ME1: variants seen among roughly 807,000 people sequenced by gnomAD.
ME1 encodes malic enzyme 1, also known as NADP-dependent malic enzyme.
Under a neutral mutation model 66.4 loss-of-function variants are expected in ME1, and 74 were observed. The ratio of observed to expected loss-of-function variants is 1.11; its 90% CI spans 0.92 to 1.35. The LOEUF is 1.35. Among genes scored for constraint, ME1 ranks in the 40% most tolerant of loss-of-function variants. ME1 has a pLI of 0.00. For synonymous variants in ME1, 251 were observed against 235.6 expected (o/e 1.07, Z -0.60); for missense variants, 750 against 694.1 (o/e 1.08, Z -0.90).
chr6:83,252,728 G>A (rs1472885640), intron 7 of ME1, among the ~76,000 whole-genome samples: 1 of 152,134 alleles, frequency 6.6e-6, no homozygotes, highest in African/African-American at 2.4e-5. Flanking sequence ...AAAGGAGCTG[G>A]CACTGAGCAG....
chr6:83,309,900 A>T (rs988072309), intron 6 of ME1, among the ~76,000 whole-genome samples: 1 of 152,032 alleles, frequency 6.6e-6, no homozygotes, highest in Non-Finnish European at 1.5e-5. Context: ...CAAAGAGAAG[A>T]AATTCTGTAT....
chr6:83,294,159 A>T (rs891026086), intron 6 of ME1, among the ~76,000 whole-genome samples: 1 of 152,226 alleles, frequency 6.6e-6, no homozygotes, highest in African/African-American at 2.4e-5. Context: ...ACTGAAATAC[A>T]TGCACAATAC....
intron 1 of ME1, among the ~76,000 whole-genome samples, chr6:83,421,199 G>A (rs775777473): frequency 3.9e-5 from 6 of 151,946 alleles, no homozygotes; most frequent in African/African-American, 7.3e-5. Flanking sequence ...TAGAGTTTTT[G>A]TCTTACATGA....
rs143884544 is a variant in ME1, at chr6:83,325,777, C to A, written c.601-10364G>T. On this transcript the variant is annotated intron_variant, in intron 5 of 13. Transcript: ENST00000369705. ...GATAGGAAGAGTCAATATCATGAAA[C>A]TGACCATAGGGCCCAAAGTAATTTA... Among the ~76,000 whole-genome samples the A allele has an allele frequency of 8.9e-3, 1,353 of 152,038 alleles. 19 individuals carry two copies. The highest frequency in any genetic ancestry group is 0.031 in the African/African-American group (1,267 of 41,484).
intron 1 of ME1, among the ~76,000 whole-genome samples, chr6:83,414,434 T>A (rs767168658): frequency 6.6e-6 from 1 of 152,126 alleles, no homozygotes; most frequent in Non-Finnish European, 1.5e-5. Context: ...TTTAACCTGT[T>A]AATGATTATA....
At chr6:83,233,559 A>G (rs1290344906) in intron 9 of ME1, among the ~76,000 whole-genome samples, 1 of 152,102 alleles carries the variant, frequency 6.6e-6, no homozygotes, top group African/African-American at 2.4e-5. Context: ...AATAATAATT[A>G]TCTAGCGTGA....
chr6:83,275,799 G>A (rs1271930016), intron 6 of ME1, among the ~76,000 whole-genome samples: 2 of 96,894 alleles, frequency 2.1e-5, no homozygotes, highest in Middle Eastern at 0.01. Flanking sequence ...TTGTGATGGA[G>A]TCTTGCTCTG....
intron 7 of ME1, among the ~76,000 whole-genome samples, chr6:83,246,835 C>A (rs1006990715): frequency 2.0e-5 from 3 of 152,080 alleles, no homozygotes; most frequent in African/African-American, 7.2e-5. Flanking sequence ...TCAATGGATG[C>A]GAGTGCTCAT....
At chr6:83,328,592 G>GT in intron 5 of ME1, among the ~76,000 whole-genome samples, 1 of 152,036 alleles carries the variant, frequency 6.6e-6, no homozygotes, top group East Asian at 1.9e-4. Context: ...AAAAAAATTA[G>GT]TATCTACAAA....
intron 3 of ME1, among the ~76,000 whole-genome samples, chr6:83,355,895 A>G (rs766303380): frequency 1.4e-4 from 22 of 152,148 alleles, no homozygotes; most frequent in Non-Finnish European, 2.8e-4. Context: ...TCAATTTAAA[A>G]TGTTTAATTT....
intron 6 of ME1, among the ~76,000 whole-genome samples, chr6:83,305,829 G>A: frequency 6.6e-6 from 1 of 152,036 alleles, no homozygotes; most frequent in African/African-American, 2.4e-5. Context: ...AATTTTCTAA[G>A]TTTGCCTCTT....
At chr6:83,410,209 CAAT>C (rs764696512) in intron 1 of ME1, among the ~76,000 whole-genome samples, 1 of 151,926 alleles carries the variant, frequency 6.6e-6, no homozygotes, top group Non-Finnish European at 1.5e-5. Context: ...AAATTTGTTG[CAAT>C]AAAATTTTAA....
chr6:83,391,225 C>T (rs917162527), intron 3 of ME1, among the ~76,000 whole-genome samples: 7 of 151,940 alleles, frequency 4.6e-5, no homozygotes, highest in East Asian at 1.9e-4. Context: ...ATGAGGAAAC[C>T]GAAGCACAGA....
Position 83,331,574 on chromosome 6 carries a change from A to G in ME1, c.600+14599T>C, listed in dbSNP as rs574371922. Among the ~76,000 whole-genome samples the G allele has an allele frequency of 4.0e-5, 6 of 150,520 alleles. No homozygotes were observed. The East Asian group carries it at 1.2e-3, about 29-fold the overall frequency. On this transcript the variant is annotated intron_variant, in intron 5 of 13. Transcript: ENST00000369705. ...GCACTCCAGCCTGGGCAACAGAGCA[A>G]GACTCCATCTCAAAAAAAAAAAAAA...
chr6:83,308,473 T>A (rs1395000353), intron 6 of ME1, among the ~76,000 whole-genome samples: 1 of 140,792 alleles, frequency 7.1e-6, no homozygotes, highest in African/African-American at 2.5e-5. Flanking sequence ...GGCAACTGAT[T>A]CTGTAAAAAA....
chr6:83,300,610 CTTTT>C (rs35205380), intron 6 of ME1, among the ~76,000 whole-genome samples: 2 of 84,990 alleles, frequency 2.4e-5, no homozygotes, highest in East Asian at 3.7e-4. Flanking sequence ...TTCTTTCTTT[CTTTT>C]TTTTTTTTTT....
intron 6 of ME1, among the ~76,000 whole-genome samples, chr6:83,266,806 A>G (rs921034991): frequency 5.3e-5 from 8 of 152,180 alleles, no homozygotes; most frequent in Admixed American, 3.9e-4. Flanking sequence ...AATCTGACAT[A>G]CTACTAAAAT....
At chr6:83,352,570 A>G (rs1768822493) in intron 3 of ME1, among the ~76,000 whole-genome samples, 2 of 152,168 alleles carry the variant, frequency 1.3e-5, no homozygotes, top group African/African-American at 4.8e-5. Context: ...CATTTTCAAC[A>G]TGAAGATGAG....
At chr6:83,429,543 G>A (rs965672814) in intron 1 of ME1, among the ~76,000 whole-genome samples, 1 of 152,042 alleles carries the variant, frequency 6.6e-6, no homozygotes, top group African/African-American at 2.4e-5. Context: ...TGGCAAACCT[G>A]CAGAATAATA....
Sources: allele counts gnomAD v4.1 joint callset (sites outside exome capture counted in the v4.1 genomes callset), GRCh38; gene constraint gnomAD v4.1.1; transcripts MANE v1.5; gene names NCBI Gene and HGNC (gene_info 2026-07-23, HGNC 2026-07-21).